NAALADL2: variants seen among roughly 807,000 people sequenced by gnomAD.
The protein encoded by NAALADL2 is inactive N-acetylated-alpha-linked acidic dipeptidase-like protein 2.
A neutral mutation model predicts 87.2 loss-of-function variants in NAALADL2; 76 were observed. That is an observed-to-expected ratio of 0.87 (90% confidence interval 0.72 to 1.05). The LOEUF is 1.05. Among genes scored for constraint, NAALADL2 ranks in the 50% least tolerant of loss-of-function variants. The pLI is 0.00. For synonymous variants in NAALADL2, 354 were observed against 331.0 expected, an observed-to-expected ratio of 1.07 and a Z score of -0.75; for missense variants, 1,089 against 945.8, an observed-to-expected ratio of 1.15 and a Z score of -1.99.
intron 13 of NAALADL2, among the ~76,000 whole-genome samples, chr3:175,760,332 C>T (rs568857769): frequency 1.3e-5 from 2 of 152,146 alleles, no homozygotes; most frequent in African/African-American, 4.8e-5. Context: ...AAGTCATTTC[C>T]AGCTCTACAG....
chr3:174,441,596 A>G (rs1201898677), intron 1 of NAALADL2, among the ~76,000 whole-genome samples: 1 of 152,214 alleles, frequency 6.6e-6, no homozygotes, highest in Admixed American at 6.5e-5. Flanking sequence ...ATGAGAAGCC[A>G]TGGAAAGAGC....
At chr3:175,514,726 G>A (rs2149402604) in intron 9 of NAALADL2, among the ~76,000 whole-genome samples, 1 of 152,146 alleles carries the variant, frequency 6.6e-6, no homozygotes, top group African/African-American at 2.4e-5. Flanking sequence ...CAGAGTCTGT[G>A]GCAATTATTA....
chr3:175,550,105 A>G (rs767027978), intron 9 of NAALADL2, among the ~76,000 whole-genome samples: 3 of 152,120 alleles, frequency 2.0e-5, no homozygotes, highest in Non-Finnish European at 4.4e-5. Flanking sequence ...ACGGTTTTAA[A>G]TCCTAAGTTT....
At chr3:175,151,799 T>A (rs1057089341) in intron 2 of NAALADL2, among the ~76,000 whole-genome samples, 1 of 152,164 alleles carries the variant, frequency 6.6e-6, no homozygotes, top group Admixed American at 6.6e-5. Context: ...GATTAAATAA[T>A]AGTAACAATA....
chr3:175,052,261 C>T (rs1202641667), intron 1 of NAALADL2, among the ~76,000 whole-genome samples: 2 of 152,158 alleles, frequency 1.3e-5, no homozygotes, highest in African/African-American at 4.8e-5. Flanking sequence ...TGTTCCCTGC[C>T]CTCATTCCAG....
At chr3:174,458,689 AG>A (rs918512895) in intron 1 of NAALADL2, 36 of 152,326 alleles carry the variant, frequency 2.4e-4, no homozygotes, top group African/African-American at 7.7e-4. Context: ...GGGAGATTTT[AG>A]AAGTTACCAT....
chr3:175,239,055 T>C (rs1301057655), intron 3 of NAALADL2, among the ~76,000 whole-genome samples: 1 of 152,160 alleles, frequency 6.6e-6, no homozygotes, highest in Non-Finnish European at 1.5e-5. Context: ...CTAAACAGCA[T>C]TTCTGATATC....
At chr3:175,313,549 G>T (rs1250355342) in intron 4 of NAALADL2, among the ~76,000 whole-genome samples, 5 of 152,060 alleles carry the variant, frequency 3.3e-5, no homozygotes, top group East Asian at 3.9e-4. Flanking sequence ...AAAAAGATCG[G>T]GATTACATTT....
Position 175,206,264 on chromosome 3 carries a change from T to TATATATATATA in NAALADL2, c.546-27667_546-27666insATATATATATA, listed in dbSNP as rs750185480. Reference sequence around the variant, plus strand: ...AAAAACTATATATATATATATATATTTTTTTTTTTCACTGTGTGTGTGTAT... The same window carrying TATATATATATA: ...AAAAACTATATATATATATATATATTATATATATATATTTTTTTTTCACTGTGTGTGTGTAT... On this transcript the variant is annotated intron_variant, in intron 2 of 13. Transcript: ENST00000454872. 5.9e-3 allele frequency among the ~76,000 whole-genome samples: 408 copies of TATATATATATA among 69,546 alleles called. 25 individuals carry two copies. Among genetic ancestry groups the TATATATATATA allele is most frequent in the African/African-American group, 0.02 (337 of 16,758 alleles). 45.6% of individuals were successfully genotyped at this position (69,546 alleles called of 152,430 possible). A position where few individuals can be genotyped will look rare whatever the true frequency, so the allele number is the denominator to read the frequency against.
chr3:175,686,585 A>G (rs990275577), intron 11 of NAALADL2, among the ~76,000 whole-genome samples: 2 of 151,772 alleles, frequency 1.3e-5, no homozygotes, highest in East Asian at 3.8e-4. Context: ...TTTTAATTCA[A>G]TTAAATAATG....
chr3:174,951,966 G>A (rs1442713887), intron 1 of NAALADL2, among the ~76,000 whole-genome samples: 2 of 151,962 alleles, frequency 1.3e-5, no homozygotes, highest in Non-Finnish European at 2.9e-5. Context: ...ATAATTTTGT[G>A]TTACTCTATG....
intron 1 of NAALADL2, among the ~76,000 whole-genome samples, chr3:174,504,968 C>T (rs1342822073): frequency 6.6e-6 from 1 of 152,100 alleles, no homozygotes; most frequent in Non-Finnish European, 1.5e-5. Context: ...CAGCCTAAAC[C>T]ATCTCCACTA....
At chr3:175,528,718 T>A (rs540506397) in intron 9 of NAALADL2, among the ~76,000 whole-genome samples, 1 of 152,270 alleles carries the variant, frequency 6.6e-6, no homozygotes, top group African/African-American at 2.4e-5. Flanking sequence ...TAATCCCCAA[T>A]TCAAATACTA....
intron 1 of NAALADL2, among the ~76,000 whole-genome samples, chr3:174,497,935 C>T (rs925565585): frequency 6.6e-6 from 1 of 152,068 alleles, no homozygotes; most frequent in African/African-American, 2.4e-5. Context: ...TCAGTACAAA[C>T]ATGGTTCAGG....
At chr3:175,373,499 T>C (rs1766752638) in intron 5 of NAALADL2, among the ~76,000 whole-genome samples, 1 of 152,242 alleles carries the variant, frequency 6.6e-6, no homozygotes, top group Non-Finnish European at 1.5e-5. Flanking sequence ...ATCATTAATT[T>C]GTTCGTGATT....
At chr3:174,718,916 G>GA (rs1002462969) in intron 2 of NAALADL2, among the ~76,000 whole-genome samples, 7 of 151,668 alleles carry the variant, frequency 4.6e-5, no homozygotes, top group African/African-American at 9.7e-5. Context: ...AAAATCATTG[G>GA]AAAAAAAATG....
intron 1 of NAALADL2, among the ~76,000 whole-genome samples, chr3:174,939,408 A>G (rs1477548880): frequency 6.6e-6 from 1 of 152,120 alleles, no homozygotes. Context: ...TGGTTACTGT[A>G]GCCCTGAAGT....
intron 9 of NAALADL2, among the ~76,000 whole-genome samples, chr3:175,525,046 AT>A (rs1360534709): frequency 6.6e-6 from 1 of 152,168 alleles, no homozygotes; most frequent in East Asian, 1.9e-4. Context: ...AACAATCTCT[AT>A]TTTTTTATTT....
intron 5 of NAALADL2, among the ~76,000 whole-genome samples, chr3:175,355,980 GA>G (rs1337936158): frequency 6.6e-6 from 1 of 152,100 alleles, no homozygotes; most frequent in Non-Finnish European, 1.5e-5. Context: ...GAGAACATGA[GA>G]TTTTTGAGGG....
Sources: gnomAD v4.1 joint callset for allele counts (sites outside exome capture counted in the v4.1 genomes callset) on GRCh38, gnomAD v4.1.1 for gene constraint, MANE v1.5 for transcripts, NCBI Gene and HGNC (gene_info 2026-07-23, HGNC 2026-07-21) for gene names.